Variants in ITGB4 observed in about 807,000 individuals in gnomAD.
ITGB4 encodes the protein integrin beta-4.
In ITGB4, 159 loss-of-function variants were observed where a neutral mutation model predicts 207.6. The observed-to-expected ratio is 0.77, with a 90% confidence interval of 0.67 to 0.87. The LOEUF (loss-of-function observed/expected upper bound fraction) is 0.87, where lower values mean the gene tolerates loss of function less well. Among genes scored for constraint, ITGB4 ranks in the 40% least tolerant of loss-of-function variants. The probability of loss-of-function intolerance (pLI) is 0.00; values close to 1 mark genes in which losing one functional copy is unlikely to be tolerated. For synonymous variants in ITGB4, 1,020 were observed against 1,062.7 expected (o/e 0.96, Z 0.78); for missense variants, 2,278 against 2,546.8 (o/e 0.89, Z 2.27).
In ITGB4 at chr17:75,727,125, G is replaced by A; in HGVS notation, c.80-70G>A. On this transcript the variant is annotated intron_variant, in intron 2 of 39. Coordinates refer to ENST00000200181, the MANE Select transcript of ITGB4 (RefSeq NM_000213.5). The surrounding 1 kb of genome is among the most constrained non-coding windows in gnomAD (Gnocchi z 6.0). ...GGGAATCCCCATCTCTCCAGGTGAA[G>A]GTGCAGGTGGGAAAGTGCTTGCCTT... is the stretch of plus-strand genomic sequence containing the variant. 8.6e-7 allele frequency: 1 copy of A among 1,167,714 alleles called. No homozygotes were observed. The highest frequency in any genetic ancestry group is 1.3e-6 in the Non-Finnish European group (1 of 782,748). The allele number at this position is 1,167,714 out of a possible 1,614,324, so 72.3% of individuals were successfully genotyped here.
chr17:75,755,802 G>C lies in ITGB4; in HGVS notation c.4660G>C (p.Glu1554Gln), dbSNP rs761507638. The C allele has an allele frequency of 2.5e-6, 4 of 1,610,362 alleles. No individual in the cohort carries two copies. Among genetic ancestry groups the C allele is most frequent in the Admixed American group, 1.7e-5 (1 of 59,998 alleles). ...LRVSWQEPRCERPLQGYSVEY... is the reference protein window; with the variant it reads ...LRVSWQEPRCQRPLQGYSVEY... Reference sequence around the variant, plus strand: ...AGTGAGCTGGCAGGAGCCGCGGTGCGAGCGGCCGCTGCAGGGCTACAGTGT... The same window carrying C: ...AGTGAGCTGGCAGGAGCCGCGGTGCCAGCGGCCGCTGCAGGGCTACAGTGT... The change falls in exon 35 of 40, where the codon GAG becomes CAG. Residue 1554 changes from glutamate to glutamine, a missense_variant. Transcript: ENST00000200181.
chr17:75,731,792 T>C lies in ITGB4; in HGVS notation c.1216-20T>C, dbSNP rs1173152307. On this transcript the variant is annotated intron_variant, in intron 10 of 39. Transcript: ENST00000200181. The surrounding 1 kb of genome is among the most constrained non-coding windows in gnomAD (Gnocchi z 6.8). The stretch of plus-strand genomic sequence containing the variant: ...TCCTTGGGGCTGGGCCTGCCTTGGC[T>C]GACCACGGGGCCCCTGCAGGGTATA... The C allele has an allele frequency of 1.9e-6, 3 of 1,560,808 alleles. No homozygotes were observed. Among genetic ancestry groups the C allele is most frequent in the Non-Finnish European group, 2.6e-6 (3 of 1,151,406 alleles).
chr17:75,736,015 G>A (rs1200635557), intron 13 of ITGB4, 36 bp from the exon 14 acceptor site: 1 of 1,599,484 alleles, frequency 6.3e-7, no homozygotes, highest in Non-Finnish European at 8.6e-7. Flanking sequence ...AGGCACAGAT[G>A]TAGCTCTCAT....
rs2060910360 is a variant in ITGB4 at position 75,733,584 on chromosome 17, G to A, written c.1549G>A (p.Glu517Lys). 2 of 1,614,128 alleles carry A rather than the reference G, an allele frequency of 1.2e-6. No individual in the cohort carries two copies. Residue 517 changes from glutamate (E) to lysine (K), a missense_variant, in exon 13 of 40, where the codon GAG becomes AAG. Glu to Lys is a moderately conservative substitution (Grantham distance 56). Transcript: ENST00000200181. ...GEDKPCSGRGECQCGHCVCYG... is the reference protein window; with the variant it reads ...GEDKPCSGRGKCQCGHCVCYG... ...GGACAAGCCGTGCTCCGGCCGTGGG[G>A]AGTGCCAGTGCGGGCACTGTGTGTG...
chr17:75,726,236 C>T (rs2060714268), intron 2 of ITGB4, among the ~76,000 whole-genome samples: 1 of 151,906 alleles, frequency 6.6e-6, no homozygotes, highest in African/African-American at 2.4e-5. Flanking sequence ...GGAGGATCTC[C>T]TGAACCCAGG....
rs1191180545 is a variant in ITGB4, at chr17:75,742,124, G to A, written c.2634-217G>A. Among the ~76,000 whole-genome samples the A allele has an allele frequency of 6.6e-6, 1 of 152,262 alleles. No individual in the cohort carries two copies. The highest frequency in any genetic ancestry group is 1.5e-5 in the Non-Finnish European group (1 of 68,040). ...GCAGAGAAGCCCATTTCACAGAGGAGGACGCTGAGGACAGGGAGGCGCCAT... is the reference window on the plus strand; with the variant it reads ...GCAGAGAAGCCCATTTCACAGAGGAAGACGCTGAGGACAGGGAGGCGCCAT... On this transcript the variant is annotated intron_variant, in intron 23 of 39. Coordinates refer to ENST00000200181, the MANE Select transcript of ITGB4 (RefSeq NM_000213.5). This position sits in a 1 kb window ranked among gnomAD's most constrained non-coding sequence, Gnocchi z 5.9.
In ITGB4 at chr17:75,756,974, C is replaced by G; in HGVS notation, c.5085C>G (p.Asp1695Glu). The G allele has an allele frequency of 6.2e-7, 1 of 1,612,780 alleles. No individual in the cohort carries two copies. Among genetic ancestry groups the G allele is most frequent in the Non-Finnish European group, 8.5e-7 (1 of 1,179,950 alleles). Residue 1695 changes from aspartate to glutamate, a missense_variant, in exon 38 of 40, where the codon GAC becomes GAG. By Grantham distance (45) the Asp-to-Glu change is conservative. Transcript: ENST00000200181. ...GPATAFRVDG[D>E]SPESRLTVPG... ...CCACCGCATTCCGGGTGGATGGAGA[C>G]AGCCCCGAGAGCCGGCTGACCGTGC...
rs769766901 is a variant in ITGB4, at chr17:75,750,411, G to C, written c.3474+143G>C. The C allele has an allele frequency of 4.4e-6, 4 of 915,552 alleles. No homozygotes were observed. Among genetic ancestry groups the C allele is most frequent in the African/African-American group, 1.7e-5 (1 of 60,076 alleles). 56.7% of individuals were successfully genotyped at this position (915,552 alleles called of 1,614,324 possible). ...AGCACAGGTGGTCAGAGGGAAACCC[G>C]GTCTGTGCTGGGAAAGAGGGAAGAC... On this transcript the variant is annotated intron_variant, in intron 28 of 39. Coordinates refer to ENST00000200181, the MANE Select transcript of ITGB4 (RefSeq NM_000213.5). This position sits in a 1 kb window ranked among gnomAD's most constrained non-coding sequence, Gnocchi z 5.5.
At chr17:75,748,788 C>A in intron 26 of ITGB4, 53 bp from the exon 27 acceptor site, 1 of 1,427,616 alleles carries the variant, frequency 7.0e-7, no homozygotes, top group South Asian at 1.2e-5. Context: ...GTGGCCATGA[C>A]TCTTGCCTCA....
chr17:75,742,777 G>C lies in ITGB4; in HGVS notation c.2962+16G>C. 6.2e-7 allele frequency: 1 copy of C among 1,601,938 alleles called. No individual in the cohort carries two copies. The highest frequency in any genetic ancestry group is 8.5e-7 in the Non-Finnish European group (1 of 1,178,126). ...AAGGAGCAAGGTGGGTCTGGGTGGG[G>C]AGAGTGGGGAAGGCAGACGGGGGCT... On this transcript the variant is annotated intron_variant, in intron 25 of 39. Coordinates refer to ENST00000200181, the MANE Select transcript of ITGB4 (RefSeq NM_000213.5). This position sits in a 1 kb window ranked among gnomAD's most constrained non-coding sequence, Gnocchi z 5.9.
chr17:75,727,488 A>T lies in ITGB4; in HGVS notation c.247A>T (p.Ser83Cys). The change falls in exon 4 of 40, where the codon AGC (serine) becomes TGC (cysteine). Residue 83 changes from serine to cysteine, a missense_variant. Physicochemically the swap from Ser to Cys is moderately radical, Grantham distance 112. Coordinates refer to ENST00000200181, the MANE Select transcript of ITGB4 (RefSeq NM_000213.5). The surrounding 1 kb of genome is among the most constrained non-coding windows in gnomAD (Gnocchi z 6.0). ...GGAGAGCATCGTGGTCATGGAGAGC[A>T]GCTTCCAAATCACAGAGGTGCCTGG... is the stretch of plus-strand genomic sequence containing the variant. Reference protein sequence around the residue: ...QRESIVVMESSFQITEETQID... With the variant: ...QRESIVVMESCFQITEETQID... 7 of 1,613,880 alleles carry T rather than the reference A, an allele frequency of 4.3e-6. No individual in the cohort carries two copies. The highest frequency in any genetic ancestry group is 5.9e-6 in the Non-Finnish European group (7 of 1,180,008).
intron 23 of ITGB4, among the ~76,000 whole-genome samples, chr17:75,741,425 C>T (rs1215861019): frequency 6.6e-6 from 1 of 152,058 alleles, no homozygotes; most frequent in Admixed American, 6.6e-5. Flanking sequence ...TACATCGAGT[C>T]CTGGCCCTTC....
chr17:75,749,960 T>C (rs573153903), intron 27 of ITGB4, 151 bp from the exon 28 acceptor site: 11 of 961,266 alleles, frequency 1.1e-5, no homozygotes, highest in African/African-American at 4.8e-5. Flanking sequence ...GTGGCAGCAA[T>C]GGGGCACCAC....
At position 75,742,367 on chromosome 17, in the gene ITGB4, T is replaced by C. The variant is rs1042862836; in HGVS notation, c.2660T>C (p.Val887Ala). The C allele has an allele frequency of 1.2e-6, 2 of 1,613,388 alleles. No homozygotes were observed. The highest frequency in any genetic ancestry group is 1.7e-6 in the Non-Finnish European group (2 of 1,180,020). The change falls in exon 24 of 40, where the codon GTG becomes GCG. Residue 887 changes from valine to alanine, a missense_variant. Val to Ala is a moderately conservative substitution (Grantham distance 64). Coordinates refer to ENST00000200181, the MANE Select transcript of ITGB4 (RefSeq NM_000213.5). The surrounding 1 kb of genome is among the most constrained non-coding windows in gnomAD (Gnocchi z 5.9). ...KKQDHTIVDT[V>A]LMAPRSAKPA... ...CAAGACCACACCATTGTGGACACAG[T>C]GCTGATGGCGCCCCGCTCGGCCAAG... is the stretch of plus-strand genomic sequence containing the variant.
intron 32 of ITGB4, among the ~76,000 whole-genome samples, chr17:75,753,441 G>C (rs1381365775): frequency 6.6e-6 from 1 of 152,212 alleles, no homozygotes; most frequent in Non-Finnish European, 1.5e-5. Flanking sequence ...GTCTCGGAGA[G>C]GTTAAGTAAA....
At position 75,732,257 on chromosome 17, in the gene ITGB4, T is replaced by G. The variant is rs745686159; in HGVS notation, c.1454+18T>G. The G allele has an allele frequency of 1.2e-6, 2 of 1,612,598 alleles. No individual in the cohort carries two copies. The highest frequency in any genetic ancestry group is 2.2e-5 in the South Asian group (2 of 91,016). Reference sequence around the variant, plus strand: ...GAGGGCTGGTGAGTGGGGAAGGGAGTTGGGCACCCAGGACACCAGTGGCCC... The same window carrying G: ...GAGGGCTGGTGAGTGGGGAAGGGAGGTGGGCACCCAGGACACCAGTGGCCC... On this transcript the variant is annotated intron_variant, in intron 12 of 39. Coordinates refer to ENST00000200181, the MANE Select transcript of ITGB4 (RefSeq NM_000213.5). The surrounding 1 kb of genome is among the most constrained non-coding windows in gnomAD (Gnocchi z 5.3).
At position 75,755,810 on chromosome 17, in the gene ITGB4, G is replaced by A. The variant is rs568025182; in HGVS notation, c.4668G>A (p.Pro1556=). 3.7e-5 allele frequency: 60 copies of A among 1,608,996 alleles called. No homozygotes were observed. Among genetic ancestry groups the A allele is most frequent in the African/African-American group, 1.7e-4 (13 of 75,010 alleles). ...VSWQEPRCER[P]LQGYSVEYQL... ...GGCAGGAGCCGCGGTGCGAGCGGCC[G>A]CTGCAGGGCTACAGTGTGGAGTACC... The change falls in exon 35 of 40, where the codon CCG becomes CCA. Residue 1556 remains proline, a synonymous_variant. Coordinates refer to ENST00000200181, the MANE Select transcript of ITGB4 (RefSeq NM_000213.5).
In ITGB4 at chr17:75,744,265, C is replaced by T. The variant is rs1316544841; in HGVS notation, c.3111+404C>T. On this transcript the variant is annotated intron_variant, in intron 26 of 39. Transcript: ENST00000200181. ...CCTCCCTAGTAGCTGGGATTACAGG[C>T]ATGTGCCACCACGCATGTCTAATTT... Among the ~76,000 whole-genome samples the T allele has an allele frequency of 2.0e-5, 3 of 152,234 alleles. No individual in the cohort carries two copies. In the East Asian group the frequency reaches 5.8e-4, roughly 29 times the overall value.
Position 75,732,235 on chromosome 17 carries a change from G to A in ITGB4, c.1450G>A (p.Gly484Ser), listed in dbSNP as rs1439610441. 6.2e-7 allele frequency: 1 copy of A among 1,613,970 alleles called. No homozygotes were observed. Among genetic ancestry groups the A allele is most frequent in the African/African-American group, 1.3e-5 (1 of 75,060 alleles). ...FVCGQCVCSE[G>S]WSGQTCNCST... ...GTGCGGACAGTGTGTGTGCAGCGAG[G>A]GCTGGTGAGTGGGGAAGGGAGTTGG... The change falls in exon 12 of 40, where the codon GGC becomes AGC. Residue 484 changes from glycine to serine, a missense_variant. Transcript: ENST00000200181. The surrounding 1 kb of genome is among the most constrained non-coding windows in gnomAD (Gnocchi z 5.3).
Sources: allele counts gnomAD v4.1 joint callset (sites outside exome capture counted in the v4.1 genomes callset), GRCh38; gene constraint gnomAD v4.1.1; non-coding constraint Gnocchi (gnomAD v3.1); transcripts MANE v1.5; gene names NCBI Gene and HGNC (gene_info 2026-07-23, HGNC 2026-07-21).